The following RALGAPA1 variants were observed in gnomAD, a reference collection of about 807,000 sequenced individuals.
The protein encoded by RALGAPA1 is ral GTPase-activating protein subunit alpha-1.
A neutral mutation model predicts 269.6 loss-of-function variants in RALGAPA1; 52 were observed. That is an observed-to-expected ratio of 0.19 (90% CI 0.15 to 0.24). The LOEUF is 0.24. RALGAPA1 is among the 10% of genes least tolerant of loss of function. RALGAPA1 has a pLI of 1.00. For synonymous variants in RALGAPA1, 817 were observed against 1,008.3 expected (o/e 0.81, Z 3.60); for missense variants, 1,917 against 3,013.9 (o/e 0.64, Z 8.52).
At chr14:35,677,907 G>A (rs371438571) in intron 22 of RALGAPA1, 43 bp downstream of exon 22, 11 of 1,563,966 alleles carry the variant, frequency 7.0e-6, no homozygotes, top group Admixed American at 6.8e-5. Flanking sequence ...TGACACTGAC[G>A]CCCTAAAAGA....
intron 17 of RALGAPA1, among the ~76,000 whole-genome samples, chr14:35,690,701 T>A (rs1415209133): frequency 6.6e-6 from 1 of 152,220 alleles, no homozygotes; most frequent in East Asian, 1.9e-4. Flanking sequence ...AAACTTTACC[T>A]GCCTGTTATT....
chr14:35,620,742 A>G (rs946417790), intron 35 of RALGAPA1, among the ~76,000 whole-genome samples: 7 of 152,368 alleles, frequency 4.6e-5, no homozygotes, highest in African/African-American at 1.7e-4. Context: ...GAGTCAAATC[A>G]TGAGTGAACT....
At chr14:35,566,890 C>CTA (rs143621002) in intron 39 of RALGAPA1, among the ~76,000 whole-genome samples, 39 of 145,334 alleles carry the variant, frequency 2.7e-4, no homozygotes, top group East Asian at 7.9e-4. Context: ...TATATTTGTA[C>CTA]TATATATATA....
chr14:35,725,352 T>C (rs1192887032), intron 13 of RALGAPA1, among the ~76,000 whole-genome samples, 199 bp from the exon 14 acceptor site: 1 of 152,138 alleles, frequency 6.6e-6, no homozygotes, highest in East Asian at 1.9e-4. Context: ...TTAAAATCAT[T>C]TATCGGCCAC....
At chr14:35,698,357 T>C (rs909202790) in intron 17 of RALGAPA1, among the ~76,000 whole-genome samples, 2 of 152,220 alleles carry the variant, frequency 1.3e-5, no homozygotes, top group Non-Finnish European at 2.9e-5. Context: ...ACCTTATCTT[T>C]GTTTTAGCTA....
chr14:35,612,457 C>T (rs1347543968), intron 35 of RALGAPA1, among the ~76,000 whole-genome samples: 5 of 149,704 alleles, frequency 3.3e-5, no homozygotes, highest in African/African-American at 9.8e-5. Flanking sequence ...AATGTAAGGG[C>T]GGAAACTATA....
intron 26 of RALGAPA1, among the ~76,000 whole-genome samples, chr14:35,667,128 G>A (rs939754894): frequency 3.3e-5 from 5 of 152,106 alleles, no homozygotes; most frequent in African/African-American, 9.7e-5. Flanking sequence ...GTGGCCAGGC[G>A]CGGTGGCTCA....
chr14:35,717,976 C>T (rs539920231), intron 16 of RALGAPA1, among the ~76,000 whole-genome samples: 2 of 152,284 alleles, frequency 1.3e-5, no homozygotes, highest in East Asian at 1.9e-4. Flanking sequence ...GAGCATATTC[C>T]TAGCTCTGGG....
At chr14:35,648,093 G>A (rs951792370) in intron 31 of RALGAPA1, among the ~76,000 whole-genome samples, 2 of 151,504 alleles carry the variant, frequency 1.3e-5, no homozygotes, top group African/African-American at 4.9e-5. Flanking sequence ...TGGCCCATAC[G>A]GTGAAATCCC....
At chr14:35,540,215 T>C (rs1348136647) in intron 41 of RALGAPA1, among the ~76,000 whole-genome samples, 1 of 152,062 alleles carries the variant, frequency 6.6e-6, no homozygotes, top group Non-Finnish European at 1.5e-5. Flanking sequence ...CACTATGAGA[T>C]CATATACATG....
chr14:35,554,077 A>G (rs1393509789), intron 39 of RALGAPA1, among the ~76,000 whole-genome samples: 3 of 152,164 alleles, frequency 2.0e-5, no homozygotes, highest in Non-Finnish European at 2.9e-5. Context: ...TTGCCTACTG[A>G]TTTAAAAAAA....
chr14:35,608,611 T>A (rs2059729728), intron 35 of RALGAPA1, among the ~76,000 whole-genome samples: 1 of 152,210 alleles, frequency 6.6e-6, no homozygotes, highest in Admixed American at 6.5e-5. Context: ...AGATATTTCA[T>A]AATGATACAA....
chr14:35,575,131 G>A (rs78530720), intron 37 of RALGAPA1, among the ~76,000 whole-genome samples: 150 of 144,868 alleles, frequency 1.0e-3, no homozygotes, highest in Non-Finnish European at 1.0e-3. Flanking sequence ...CCATCTCAAA[G>A]AAAAAAAAAA....
chr14:35,545,135 T>C (rs2054339765), intron 41 of RALGAPA1, among the ~76,000 whole-genome samples: 2 of 152,242 alleles, frequency 1.3e-5, no homozygotes, highest in African/African-American at 2.4e-5. Context: ...ATATTTAAGA[T>C]ATTTATAAAA....
rs201225975 is a variant in RALGAPA1, at chr14:35,621,651, TCAAA to T, written c.6929+3706_6929+3709del. 4.3e-3 allele frequency among the ~76,000 whole-genome samples: 650 copies of T among 151,910 alleles called. 40 individuals are homozygous for T. In the East Asian group the frequency reaches 0.11, roughly 25 times the overall value. ...CTAATACCCAGAATCTACAATGAAC[TCAAA>T]CAAATTTACAAGAAAAAAACAAACA... On this transcript the variant is annotated intron_variant, in intron 35 of 41. Coordinates refer to ENST00000680220, the MANE Select transcript of RALGAPA1 (RefSeq NM_001346249.2).
intron 37 of RALGAPA1, among the ~76,000 whole-genome samples, chr14:35,584,258 A>T (rs2058131161): frequency 6.6e-6 from 1 of 152,050 alleles, no homozygotes; most frequent in Non-Finnish European, 1.5e-5. Flanking sequence ...GTAATATATA[A>T]GCAGTATAGA....
chr14:35,664,803 T>C (rs770324830), intron 26 of RALGAPA1, 36 bp from the exon 27 acceptor site: 17 of 1,592,064 alleles, frequency 1.1e-5, no homozygotes, highest in Middle Eastern at 1.7e-4. Flanking sequence ...TAAAAATATA[T>C]TGGTGTTATG....
intron 13 of RALGAPA1, 114 bp from the exon 14 acceptor site, chr14:35,725,267 A>T (rs941602302): frequency 9.6e-5 from 63 of 654,582 alleles, no homozygotes; most frequent in Non-Finnish European, 1.4e-4. Context: ...ACATCTTTGA[A>T]AGACAATTTC....
At chr14:35,675,753 T>C (rs187393942) in intron 22 of RALGAPA1, among the ~76,000 whole-genome samples, 6 of 152,214 alleles carry the variant, frequency 3.9e-5, no homozygotes, top group African/African-American at 9.6e-5. Context: ...GAAAAGGCTA[T>C]AGAAAATAAT....
Sources: gnomAD v4.1 joint callset for allele counts (sites outside exome capture counted in the v4.1 genomes callset) on GRCh38, gnomAD v4.1.1 for gene constraint, MANE v1.5 for transcripts, NCBI Gene and HGNC (gene_info 2026-07-23, HGNC 2026-07-21) for gene names.